GSAP: variants seen among roughly 807,000 people sequenced by gnomAD.
The protein encoded by GSAP is gamma-secretase-activating protein.
In GSAP, 118 loss-of-function variants were observed where a neutral mutation model predicts 131.7. That is an observed-to-expected ratio of 0.90 (90% CI 0.77 to 1.04). GSAP has a LOEUF of 1.04. Among genes scored for constraint, GSAP ranks in the 50% least tolerant of loss-of-function variants. GSAP has a pLI of 0.00. For synonymous variants in GSAP, 381 were observed against 363.4 expected, an observed-to-expected ratio of 1.05 and a Z score of -0.55; for missense variants, 1,019 against 1,013.2, an observed-to-expected ratio of 1.01 and a Z score of -0.08.
intron 28 of GSAP, 54 bp downstream of exon 28, chr7:77,313,434 G>T: frequency 1.1e-6 from 1 of 874,842 alleles, no homozygotes; most frequent in Non-Finnish European, 1.9e-6. Context: ...AGAAGAAATT[G>T]AAGGAGGGTA....
At chr7:77,405,266 C>A (rs373885769) in intron 2 of GSAP, among the ~76,000 whole-genome samples, 3 of 152,344 alleles carry the variant, frequency 2.0e-5, no homozygotes, top group African/African-American at 7.2e-5. Flanking sequence ...TGCCACCACA[C>A]CCCAGCCTGG....
At chr7:77,376,023 C>A (rs1476244070) in intron 10 of GSAP, among the ~76,000 whole-genome samples, 1 of 152,102 alleles carries the variant, frequency 6.6e-6, no homozygotes, top group Non-Finnish European at 1.5e-5. Flanking sequence ...TGCTAACATT[C>A]CAAATAGCTT....
At chr7:77,311,764 G>A (rs2150572750) in intron 30 of GSAP, 77 bp downstream of exon 30, 1 of 762,652 alleles carries the variant, frequency 1.3e-6, no homozygotes, top group Non-Finnish European at 2.3e-6. Context: ...TTGGAAAGAA[G>A]ACAAAGAAGT....
rs1794647098 is a variant in GSAP, at chr7:77,313,533, C to T, written c.2226G>A (p.Glu742=). ...IRLMKDLDNT[E]KNEKLKFSII... ...TACTGAATTTCAGTTTTTCATTTTTCTCTGTATTATCCAGATCTACAAGAA... is the reference window on the plus strand; with the variant it reads ...TACTGAATTTCAGTTTTTCATTTTTTTCTGTATTATCCAGATCTACAAGAA... Residue 742 remains glutamate, a synonymous_variant, in exon 28 of 31, where the codon GAG becomes GAA. Transcript: ENST00000257626. The T allele has an allele frequency of 3.9e-6, 6 of 1,537,214 alleles. No homozygotes were observed. Among genetic ancestry groups the T allele is most frequent in the Non-Finnish European group, 4.5e-6 (5 of 1,111,812 alleles).
At chr7:77,364,736 A>C (rs138577071) in intron 12 of GSAP, among the ~76,000 whole-genome samples, 2,240 of 152,310 alleles carry the variant, frequency 0.015, 22 homozygotes, top group Middle Eastern at 0.041. Flanking sequence ...CCATATCCAG[A>C]ACTTATAAGC....
At chr7:77,382,710 T>C in intron 6 of GSAP, 67 bp from the exon 7 acceptor site, 2 of 872,756 alleles carry the variant, frequency 2.3e-6, no homozygotes, top group Non-Finnish European at 3.9e-6. Context: ...TCCAAAGTTG[T>C]GTTTGATGAC....
Position 77,314,455 on chromosome 7 carries a change from C to T in GSAP, c.2124G>A (p.Gln708=). 1.2e-6 allele frequency: 2 copies of T among 1,613,868 alleles called. No individual in the cohort carries two copies. Among genetic ancestry groups the T allele is most frequent in the Non-Finnish European group, 1.7e-6 (2 of 1,179,808 alleles). The change falls in exon 27 of 31, where the codon CAG becomes CAA. Residue 708 remains glutamine (Q), a synonymous_variant. Coordinates refer to ENST00000257626, the MANE Select transcript of GSAP (RefSeq NM_017439.4). The part of the protein sequence containing the change: ...FHTLHTILGV[Q]CLPLHNLLHC... ...GCAGCAGGTTATGCAAAGGGAGACA[C>T]TGGACCCCGAGGATGGTGTGCAGAG...
At chr7:77,351,728 A>G in intron 18 of GSAP, 1 of 985,800 alleles carries the variant, frequency 1.0e-6, no homozygotes, top group Non-Finnish European at 1.2e-6. Context: ...CCTCAGGGTG[A>G]TATTCTCACA....
chr7:77,390,700 A>C (rs1350832567), intron 5 of GSAP, among the ~76,000 whole-genome samples: 1 of 152,104 alleles, frequency 6.6e-6, no homozygotes, highest in Non-Finnish European at 1.5e-5. Context: ...ACATGTATAC[A>C]TATGTAACAA....
intron 19 of GSAP, among the ~76,000 whole-genome samples, chr7:77,340,374 G>A (rs1207896364): frequency 6.6e-6 from 1 of 152,140 alleles, no homozygotes; most frequent in Non-Finnish European, 1.5e-5. Context: ...GTGACATTTG[G>A]TGCCGAAGAC....
intron 9 of GSAP, 129 bp from the exon 10 acceptor site, chr7:77,377,036 TC>T: frequency 1.5e-6 from 1 of 673,552 alleles, no homozygotes; most frequent in South Asian, 2.0e-5. Flanking sequence ...AATAATAATG[TC>T]AAAATCAAAT....
At position 77,311,935 on chromosome 7, in the gene GSAP, C is replaced by G; in HGVS notation, c.2379G>C (p.Arg793=). ...ACGATGACTTGTTAATCATAGAATT[C>G]CGAGGCTAAAAGGGAAACCACTTCT... ...RLLQNYKKQP[R]NSMINKSSFS... The change falls in exon 30 of 31, where the codon CGG becomes CGC. Residue 793 remains arginine, a synonymous_variant. Coordinates refer to ENST00000257626, the MANE Select transcript of GSAP (RefSeq NM_017439.4). 1 of 1,583,856 alleles carries G rather than the reference C, an allele frequency of 6.3e-7. No homozygotes were observed. The highest frequency in any genetic ancestry group is 1.1e-5 in the South Asian group (1 of 90,436).
intron 14 of GSAP, among the ~76,000 whole-genome samples, chr7:77,359,302 C>T (rs1794202223): frequency 6.6e-6 from 1 of 152,118 alleles, no homozygotes. Flanking sequence ...GTTTCATTAT[C>T]TGTAAAATGG....
At chr7:77,413,722 G>A (rs1321114921) in intron 1 of GSAP, among the ~76,000 whole-genome samples, 1 of 152,154 alleles carries the variant, frequency 6.6e-6, no homozygotes, top group Non-Finnish European at 1.5e-5. Flanking sequence ...ATATAAAAAT[G>A]TAAATGGTTG....
intron 3 of GSAP, among the ~76,000 whole-genome samples, chr7:77,402,592 T>TTAAAAAA (rs1801527045): frequency 1.7e-4 from 1 of 6,046 alleles, no homozygotes; most frequent in African/African-American, 4.1e-4. Flanking sequence ...AGACTCTGTC[T>TTAAAAAA]CAAAAAAAAA....
At chr7:77,367,879 G>A (rs1347627824) in intron 12 of GSAP, among the ~76,000 whole-genome samples, 1 of 152,142 alleles carries the variant, frequency 6.6e-6, no homozygotes, top group Non-Finnish European at 1.5e-5. Flanking sequence ...CAATTTGGGA[G>A]CTTATTATTG....
chr7:77,327,944 C>T (rs1042580112), intron 22 of GSAP, among the ~76,000 whole-genome samples: 1 of 152,164 alleles, frequency 6.6e-6, no homozygotes, highest in African/African-American at 2.4e-5. Flanking sequence ...AGGAATAAAG[C>T]AGCCACCTCA....
chr7:77,373,900 C>G (rs184682732), intron 12 of GSAP, among the ~76,000 whole-genome samples, 170 bp downstream of exon 12: 40 of 152,278 alleles, frequency 2.6e-4, no homozygotes, highest in African/African-American at 6.5e-4. Flanking sequence ...TCAATACAGA[C>G]AGTGTATATT....
At chr7:77,407,106 C>G (rs973197171) in intron 1 of GSAP, among the ~76,000 whole-genome samples, 11 of 152,206 alleles carry the variant, frequency 7.2e-5, no homozygotes, top group Non-Finnish European at 1.6e-4. Context: ...GGGAGGGCAG[C>G]TTTCTCCCAT....
Sources: gnomAD v4.1 joint callset for allele counts (sites outside exome capture counted in the v4.1 genomes callset) on GRCh38, gnomAD v4.1.1 for gene constraint, MANE v1.5 for transcripts, NCBI Gene and HGNC (gene_info 2026-07-23, HGNC 2026-07-21) for gene names.